Variants in ASH1L observed in about 807,000 individuals in gnomAD.
The protein encoded by ASH1L is ASH1 like histone lysine methyltransferase, also known as histone-lysine N-methyltransferase ASH1L.
A neutral mutation model predicts 269.0 loss-of-function variants in ASH1L; 23 were observed. That is an observed-to-expected ratio of 0.09 (90% CI 0.06 to 0.12). The LOEUF (loss-of-function observed/expected upper bound fraction) is 0.12, where lower values mean the gene tolerates loss of function less well. Among genes scored for constraint, ASH1L ranks in the 10% least tolerant of loss-of-function variants. ASH1L has a pLI of 1.00. For synonymous variants in ASH1L, 1,187 were observed against 1,253.5 expected (o/e 0.95, Z 1.12); for missense variants, 2,912 against 3,567.8 (o/e 0.82, Z 4.68).
chr1:155,345,519 C>G (rs992715798), intron 21 of ASH1L, among the ~76,000 whole-genome samples: 1 of 151,116 alleles, frequency 6.6e-6, no homozygotes, highest in Non-Finnish European at 1.5e-5. Context: ...GTGATCTGCC[C>G]GCCTCGGCCT....
At chr1:155,366,004 C>T (rs966274735) in intron 12 of ASH1L, among the ~76,000 whole-genome samples, 4 of 152,066 alleles carry the variant, frequency 2.6e-5, no homozygotes, top group South Asian at 2.1e-4. Context: ...GCGTTTAAAC[C>T]AGAGCGACTC....
At chr1:155,349,146 C>A (rs1312111079) in intron 19 of ASH1L, among the ~76,000 whole-genome samples, 181 bp downstream of exon 19, 3 of 151,906 alleles carry the variant, frequency 2.0e-5, no homozygotes, top group Non-Finnish European at 4.4e-5. Flanking sequence ...CTATCAATGT[C>A]TTCATAGATA....
intron 4 of ASH1L, among the ~76,000 whole-genome samples, chr1:155,456,970 A>G (rs529758211): frequency 6.6e-6 from 1 of 152,340 alleles, no homozygotes; most frequent in Admixed American, 6.5e-5. Flanking sequence ...GAGAAGTAAC[A>G]TTTAATGCAG....
intron 2 of ASH1L, among the ~76,000 whole-genome samples, chr1:155,505,893 G>A (rs1667782135): frequency 6.6e-6 from 1 of 151,974 alleles, no homozygotes; most frequent in Admixed American, 6.6e-5. Flanking sequence ...CAACGTGCAG[G>A]TTTGTTACAT....
In ASH1L at chr1:155,339,314, C is replaced by T. The variant is rs765084257; in HGVS notation, c.8501+14G>A. On this transcript the variant is annotated intron_variant, in intron 26 of 27. Transcript: ENST00000392403. ...CAATCCCTTAGGATCCTCATATCCCCCCATGGGACTTACCGTCCTCCATTC... is the reference window on the plus strand; with the variant it reads ...CAATCCCTTAGGATCCTCATATCCCTCCATGGGACTTACCGTCCTCCATTC... 4 of 1,612,544 alleles carry T rather than the reference C, an allele frequency of 2.5e-6. No homozygotes were observed. The highest frequency in any genetic ancestry group is 1.3e-5 in the African/African-American group (1 of 74,892).
intron 7 of ASH1L, among the ~76,000 whole-genome samples, chr1:155,394,092 CG>C (rs1409439738): frequency 1.3e-5 from 2 of 151,984 alleles, no homozygotes; most frequent in Non-Finnish European, 2.9e-5. Flanking sequence ...GAAAATAAAT[CG>C]TATTGAAGCT....
Position 155,338,110 on chromosome 1 carries a change from C to T in ASH1L, c.8782G>A (p.Glu2928Lys), listed in dbSNP as rs1276896937. ...TTACCATTTTTTCCAGGGATTTTTTCAAGGAGATTGAGCAAGATCTGGTTG... is the reference window on the plus strand; with the variant it reads ...TTACCATTTTTTCCAGGGATTTTTTTAAGGAGATTGAGCAAGATCTGGTTG... ...RLNQILLNLL[E>K]KIPGKNAIDV... Residue 2928 changes from glutamate (E) to lysine (K), a missense_variant, in exon 27 of 28, where the codon GAA becomes AAA. Physicochemically the swap from Glu to Lys is moderately conservative, Grantham distance 56. Transcript: ENST00000392403. The T allele has an allele frequency of 6.2e-7, 1 of 1,612,594 alleles. No individual in the cohort carries two copies. Among genetic ancestry groups the T allele is most frequent in the Non-Finnish European group, 8.5e-7 (1 of 1,179,172 alleles).
chr1:155,456,282 T>C (rs1293847276), intron 4 of ASH1L, among the ~76,000 whole-genome samples: 1 of 152,242 alleles, frequency 6.6e-6, no homozygotes. Flanking sequence ...AGAGCTCTAA[T>C]TTATTTCAAT....
chr1:155,461,878 A>C (rs1462598761), intron 3 of ASH1L, among the ~76,000 whole-genome samples: 2 of 151,230 alleles, frequency 1.3e-5, no homozygotes, highest in East Asian at 2.0e-4. Flanking sequence ...GGCTCACTGA[A>C]ACCTCTGCCT....
chr1:155,562,709 C>A lies in ASH1L; in HGVS notation c.-656G>T. On this transcript the variant is annotated 5_prime_UTR_variant, in exon 1 of 28. Coordinates refer to ENST00000392403, the MANE Select transcript of ASH1L (RefSeq NM_018489.3). ...CCCGTACGCGCTCACCCACAGGAAC[C>A]CCCTCGTCCAGTCCCTCACTACCCC... 6.8e-7 allele frequency: 1 copy of A among 1,474,140 alleles called. No homozygotes were observed. The highest frequency in any genetic ancestry group is 9.1e-7 in the Non-Finnish European group (1 of 1,094,996). 91.3% of individuals were successfully genotyped at this position (1,474,140 alleles called of 1,614,324 possible).
chr1:155,501,897 A>G (rs1478123549), intron 2 of ASH1L, among the ~76,000 whole-genome samples: 3 of 151,622 alleles, frequency 2.0e-5, no homozygotes, highest in African/African-American at 7.3e-5. Flanking sequence ...TATTGACCTC[A>G]TGATCCGCCT....
chr1:155,470,552 C>CTTT (rs112676810), intron 3 of ASH1L, among the ~76,000 whole-genome samples: 10 of 137,484 alleles, frequency 7.3e-5, no homozygotes, highest in Non-Finnish European at 7.7e-5. Flanking sequence ...CAGAAATTAC[C>CTTT]TTTTTTTTTT....
chr1:155,438,065 C>G (rs999494115), intron 5 of ASH1L, among the ~76,000 whole-genome samples: 2 of 152,154 alleles, frequency 1.3e-5, no homozygotes, highest in African/African-American at 4.8e-5. Flanking sequence ...CCAGGCTGGT[C>G]TTGAACTCCT....
rs1665807370 is a variant in ASH1L at position 155,479,537 on chromosome 1, A to G, written c.3333T>C (p.Ser1111=). ...EILPSPICSQ[S]SGTSGGQSPV... Reference sequence around the variant, plus strand: ...GGCTCTGACCTCCACTAGTCCCAGAAGACTGAGAGCAAATAGGTGATGGAA... The same window carrying G: ...GGCTCTGACCTCCACTAGTCCCAGAGGACTGAGAGCAAATAGGTGATGGAA... The change falls in exon 3 of 28, where the codon TCT becomes TCC. Residue 1111 remains serine, a synonymous_variant. Coordinates refer to ENST00000392403, the MANE Select transcript of ASH1L (RefSeq NM_018489.3). 6.2e-7 allele frequency: 1 copy of G among 1,614,228 alleles called. No individual in the cohort carries two copies. The highest frequency in any genetic ancestry group is 8.5e-7 in the Non-Finnish European group (1 of 1,180,036).
intron 2 of ASH1L, among the ~76,000 whole-genome samples, chr1:155,494,426 T>G (rs1667019865): frequency 6.6e-6 from 1 of 152,148 alleles, no homozygotes; most frequent in African/African-American, 2.4e-5. Context: ...TCAACAATAT[T>G]TATGGGTACT....
At chr1:155,542,379 C>G (rs988902461) in intron 1 of ASH1L, among the ~76,000 whole-genome samples, 7 of 152,040 alleles carry the variant, frequency 4.6e-5, no homozygotes, top group Non-Finnish European at 8.8e-5. Context: ...GAAACCCCAT[C>G]TCTATCAAAA....
intron 3 of ASH1L, among the ~76,000 whole-genome samples, chr1:155,462,213 T>G (rs1012854126): frequency 3.3e-5 from 5 of 152,228 alleles, no homozygotes; most frequent in Non-Finnish European, 5.9e-5. Context: ...GGGGGAAGAC[T>G]ACAAATGGTG....
At chr1:155,538,788 A>T (rs1670232895) in intron 1 of ASH1L, among the ~76,000 whole-genome samples, 1 of 152,002 alleles carries the variant, frequency 6.6e-6, no homozygotes, top group Non-Finnish European at 1.5e-5. Flanking sequence ...GACCATAGGC[A>T]TGTGCCACTG....
intron 1 of ASH1L, among the ~76,000 whole-genome samples, chr1:155,543,087 G>A (rs1670548239): frequency 6.6e-6 from 1 of 151,996 alleles, no homozygotes; most frequent in Non-Finnish European, 1.5e-5. Flanking sequence ...TTATATCTCA[G>A]TAAAGCCACC....
Sources: allele counts gnomAD v4.1 joint callset (sites outside exome capture counted in the v4.1 genomes callset), GRCh38; gene constraint gnomAD v4.1.1; transcripts MANE v1.5; gene names NCBI Gene and HGNC (gene_info 2026-07-23, HGNC 2026-07-21).